Variants in AEBP1 observed in about 807,000 individuals in gnomAD.
The protein encoded by AEBP1 is adipocyte enhancer-binding protein 1.
Under a neutral mutation model 116.5 loss-of-function variants are expected in AEBP1, and 69 were observed. The ratio of observed to expected loss-of-function variants is 0.59; its 90% CI spans 0.49 to 0.72. The LOEUF is 0.72. Among genes scored for constraint, AEBP1 ranks in the 30% least tolerant of loss-of-function variants. AEBP1 has a pLI of 0.00. For synonymous variants in AEBP1, 627 were observed against 627.3 expected, an observed-to-expected ratio of 1.00 and a Z score of 0.01; for missense variants, 1,444 against 1,557.5, an observed-to-expected ratio of 0.93 and a Z score of 1.23.
chr7:44,107,935 G>C lies in AEBP1; in HGVS notation c.862+4G>C. 6.3e-7 allele frequency: 1 copy of C among 1,578,976 alleles called. No homozygotes were observed. Among genetic ancestry groups the C allele is most frequent in the Non-Finnish European group, 8.6e-7 (1 of 1,165,040 alleles). On this transcript the variant is annotated splice_donor_region_variant and intron_variant, in intron 5 of 20. Transcript: ENST00000223357. The surrounding 1 kb of genome is among the most constrained non-coding windows in gnomAD (Gnocchi z 4.3). ...CCAGCCCCGGAGGAGAGGATTGGTAGGATGGGGGGCAGGAGAGGAGGTGCC... is the reference window on the plus strand; with the variant it reads ...CCAGCCCCGGAGGAGAGGATTGGTACGATGGGGGGCAGGAGAGGAGGTGCC...
Position 44,108,865 on chromosome 7 carries a change from C to A in AEBP1, c.941-34C>A. On this transcript the variant is annotated intron_variant, in intron 6 of 20. Transcript: ENST00000223357. The surrounding 1 kb of genome is among the most constrained non-coding windows in gnomAD (Gnocchi z 5.0). ...AGGAGCTGAGGCCCCGCAGCAGGGT[C>A]AGGGCAGCCTCAGCTGGCTCTCCCT... The A allele has an allele frequency of 6.5e-7, 1 of 1,549,908 alleles. No homozygotes were observed. Among genetic ancestry groups the A allele is most frequent in the Non-Finnish European group, 8.7e-7 (1 of 1,145,456 alleles).
intron 1 of AEBP1, among the ~76,000 whole-genome samples, chr7:44,105,601 C>CCCT (rs1425988311): frequency 2.0e-5 from 3 of 152,002 alleles, no homozygotes; most frequent in Admixed American, 6.5e-5. Context: ...TGTCAGCAGC[C>CCCT]CCTCCCCTGC....
rs2096232077 is a variant in AEBP1, at chr7:44,113,300, A to G, written c.2758A>G (p.Ile920Val). The G allele has an allele frequency of 1.2e-6, 2 of 1,613,486 alleles. No individual in the cohort carries two copies. The highest frequency in any genetic ancestry group is 8.5e-7 in the Non-Finnish European group (1 of 1,179,890). ...GVVTDEQGIPIANATISVSGI... is the reference protein window; with the variant it reads ...GVVTDEQGIPVANATISVSGI... ...GGTGACGGACGAGCAAGGCATCCCC[A>G]TTGCCAACGCCACCATCTCTGTGAG... The change falls in exon 20 of 21, where the codon ATT (isoleucine) becomes GTT (valine). Residue 920 changes from isoleucine to valine, a missense_variant. By Grantham distance (29) the Ile-to-Val change is conservative. Coordinates refer to ENST00000223357, the MANE Select transcript of AEBP1 (RefSeq NM_001129.5). The surrounding 1 kb of genome is among the most constrained non-coding windows in gnomAD (Gnocchi z 5.3).
chr7:44,113,535 G>A lies in AEBP1; in HGVS notation c.2810-59G>A, dbSNP rs1583556696. 2 of 1,485,440 alleles carry A rather than the reference G, an allele frequency of 1.3e-6. No individual in the cohort carries two copies. Among genetic ancestry groups the A allele is most frequent in the Non-Finnish European group, 1.8e-6 (2 of 1,116,018 alleles). 92.0% of individuals were successfully genotyped at this position (1,485,440 alleles called of 1,614,324 possible). ...GGCGGGGCTGGGGGCAGGACTGAGT[G>A]GGAGGGTGGGGGCCTGGGAGGGGCG... On this transcript the variant is annotated intron_variant, in intron 20 of 20. Transcript: ENST00000223357. The surrounding 1 kb of genome is among the most constrained non-coding windows in gnomAD (Gnocchi z 5.3).
chr7:44,107,990 C>T lies in AEBP1; in HGVS notation c.863-17C>T. On this transcript the variant is annotated splice_polypyrimidine_tract_variant and intron_variant, in intron 5 of 20. Coordinates refer to ENST00000223357, the MANE Select transcript of AEBP1 (RefSeq NM_001129.5). This position sits in a 1 kb window ranked among gnomAD's most constrained non-coding sequence, Gnocchi z 4.3. ...CCACGGCGCTCTGGCCCCCTCCTAA[C>T]CTCCCCGCCTCCCCAGAGCCTCCTG... 1.9e-6 allele frequency: 3 copies of T among 1,570,908 alleles called. No homozygotes were observed. Among genetic ancestry groups the T allele is most frequent in the South Asian group, 1.2e-5 (1 of 85,968 alleles).
Position 44,112,417 on chromosome 7 carries a change from C to T in AEBP1, c.2217+96C>T, listed in dbSNP as rs2096230553. On this transcript the variant is annotated intron_variant, in intron 17 of 20. Transcript: ENST00000223357. The surrounding 1 kb of genome is among the most constrained non-coding windows in gnomAD (Gnocchi z 6.6). ...GGGGGTGGGGCTGACGGTGCCTGAA[C>T]TCCAGACGCTGAGGCTCTGGGGGTT... The T allele has an allele frequency of 7.0e-7, 1 of 1,431,958 alleles. No individual in the cohort carries two copies. The highest frequency in any genetic ancestry group is 9.4e-7 in the Non-Finnish European group (1 of 1,067,896). The allele number at this position is 1,431,958 out of a possible 1,614,324, so 88.7% of individuals were successfully genotyped here. A position where few individuals can be genotyped will look rare whatever the true frequency, so the allele number is the denominator to read the frequency against.
Position 44,111,236 on chromosome 7 carries a change from C to G in AEBP1, c.1713C>G (p.Arg571=). ...GGCACCACAGCTACAAGGACATGCG[C>G]CAGGTTGGGAGCATATATCCTGGGG... The part of the protein sequence containing the change: ...DFRHHSYKDM[R]QLMKVVNEEC... Residue 571 remains arginine (R), a synonymous_variant, in exon 14 of 21, where the codon CGC becomes CGG. Coordinates refer to ENST00000223357, the MANE Select transcript of AEBP1 (RefSeq NM_001129.5). This position sits in a 1 kb window ranked among gnomAD's most constrained non-coding sequence, Gnocchi z 4.7. The G allele has an allele frequency of 4.6e-6, 7 of 1,513,882 alleles. No individual in the cohort carries two copies. The highest frequency in any genetic ancestry group is 1.3e-5 in the South Asian group (1 of 74,448). The allele number at this position is 1,513,882 out of a possible 1,614,324, so 93.8% of individuals were successfully genotyped here.
In AEBP1 at chr7:44,112,814, C is replaced by A; in HGVS notation, c.2474C>A (p.Thr825Asn). 6.2e-7 allele frequency: 1 copy of A among 1,612,428 alleles called. No individual in the cohort carries two copies. Among genetic ancestry groups the A allele is most frequent in the Non-Finnish European group, 8.5e-7 (1 of 1,179,962 alleles). ...LAISFASAHL[T>N]LTEPYRGGCQ... ...ATCTCCTTCGCCTCCGCACACCTCA[C>A]CTTGACCGAGCCCTACCGCGGAGGC... The change falls in exon 18 of 21, where the codon ACC becomes AAC. Residue 825 changes from threonine to asparagine, a missense_variant. Coordinates refer to ENST00000223357, the MANE Select transcript of AEBP1 (RefSeq NM_001129.5). This position sits in a 1 kb window ranked among gnomAD's most constrained non-coding sequence, Gnocchi z 6.6.
intron 1 of AEBP1, among the ~76,000 whole-genome samples, chr7:44,105,845 C>G (rs1483005509): frequency 6.6e-6 from 1 of 152,140 alleles, no homozygotes; most frequent in Non-Finnish European, 1.5e-5. Flanking sequence ...TGCTTAGGGT[C>G]CTGGGAGGAT....
In AEBP1 at chr7:44,111,038, G is replaced by T; in HGVS notation, c.1611G>T (p.Val537=). 6.2e-7 allele frequency: 1 copy of T among 1,612,136 alleles called. No homozygotes were observed. ...WNGSLCMRLE[V]LGCSVAPVYS... ...GCAGCCTGTGCATGCGCCTGGAGGTGCTGGGGTGCTCTGTGGCCCGTGAGT... is the reference window on the plus strand; with the variant it reads ...GCAGCCTGTGCATGCGCCTGGAGGTTCTGGGGTGCTCTGTGGCCCGTGAGT... The change falls in exon 13 of 21, where the codon GTG becomes GTT. Residue 537 remains valine (V), a synonymous_variant. Transcript: ENST00000223357. This position sits in a 1 kb window ranked among gnomAD's most constrained non-coding sequence, Gnocchi z 4.7.
Position 44,104,771 on chromosome 7 carries a change from G to A in AEBP1, c.106G>A (p.Glu36Lys), listed in dbSNP as rs1358682655. 2 of 1,611,554 alleles carry A rather than the reference G, an allele frequency of 1.2e-6. No individual in the cohort carries two copies. The highest frequency in any genetic ancestry group is 2.7e-5 in the African/African-American group (2 of 74,888). ...QTVLTDDEIE[E>K]FLEGFLSELE... The stretch of plus-strand genomic sequence containing the variant: ...GGTGCTGACCGACGACGAGATCGAG[G>A]AGTTCCTCGAGGGCTTCCTGTCAGA... Residue 36 changes from glutamate (E) to lysine (K), a missense_variant, in exon 1 of 21, where the codon GAG (glutamate) becomes AAG (lysine). By Grantham distance (56) the Glu-to-Lys change is moderately conservative (BLOSUM62 1). Transcript: ENST00000223357.
chr7:44,111,071 G>C lies in AEBP1; in HGVS notation c.1630+14G>C, dbSNP rs923660624. ...GCTCTGTGGCCCGTGAGTGTGGAGG[G>C]CTGGCAGGGGCTCTGAGTGGAGGTG... On this transcript the variant is annotated intron_variant, in intron 13 of 20. Transcript: ENST00000223357. This position sits in a 1 kb window ranked among gnomAD's most constrained non-coding sequence, Gnocchi z 4.7. The C allele has an allele frequency of 1.1e-5, 17 of 1,602,846 alleles. No homozygotes were observed. The highest frequency in any genetic ancestry group is 3.4e-6 in the Non-Finnish European group (4 of 1,172,842).
At chr7:44,110,485 C>T in intron 11 of AEBP1, 139 bp downstream of exon 11, 1 of 1,308,950 alleles carries the variant, frequency 7.6e-7, no homozygotes, top group Non-Finnish European at 1.0e-6. Context: ...GGGACTCACC[C>T]TGCCCATCCC....
In AEBP1 at chr7:44,106,659, A is replaced by C. The variant is rs778322207; in HGVS notation, c.367A>C (p.Lys123Gln). ...CAGGCCGCCCAAGAAGGGGAAGGAGAAGCCACCCAAGGCCACCAAGAAGCC... is the reference window on the plus strand; with the variant it reads ...CAGGCCGCCCAAGAAGGGGAAGGAGCAGCCACCCAAGGCCACCAAGAAGCC... Reference protein sequence around the residue: ...SPRPPKKGKEKPPKATKKPKE... With the variant: ...SPRPPKKGKEQPPKATKKPKE... Residue 123 changes from lysine (K) to glutamine (Q), a missense_variant, in exon 2 of 21, where the codon AAG (lysine) becomes CAG (glutamine). Transcript: ENST00000223357. 3.7e-6 allele frequency: 6 copies of C among 1,612,818 alleles called. No homozygotes were observed. The highest frequency in any genetic ancestry group is 5.1e-6 in the Non-Finnish European group (6 of 1,179,664).
rs556415594 is a variant in AEBP1 at position 44,108,584 on chromosome 7, C to A, written c.941-315C>A. Among the ~76,000 whole-genome samples, 2 of 152,240 alleles carry A rather than the reference C, an allele frequency of 1.3e-5. No homozygotes were observed. The highest frequency in any genetic ancestry group is 2.4e-5 in the African/African-American group (1 of 41,524). On this transcript the variant is annotated intron_variant, in intron 6 of 20. Transcript: ENST00000223357. This position sits in a 1 kb window ranked among gnomAD's most constrained non-coding sequence, Gnocchi z 5.0. ...GTGCCTCCAATGTCTCCCCATCTCA[C>A]CCCCCAGCCCGCAACCCCAGGCACA...
In AEBP1 at chr7:44,104,542, A is replaced by C; in HGVS notation, c.-124A>C. 1.3e-5 allele frequency: 7 copies of C among 528,338 alleles called. No homozygotes were observed. Among genetic ancestry groups the C allele is most frequent in the South Asian group, 3.2e-5 (1 of 30,788 alleles). 32.7% of individuals were successfully genotyped at this position (528,338 alleles called of 1,614,324 possible). On this transcript the variant is annotated 5_prime_UTR_variant, in exon 1 of 21. Coordinates refer to ENST00000223357, the MANE Select transcript of AEBP1 (RefSeq NM_001129.5). ...TTTCCCGGATTCCCTCGCTCACCCC[A>C]TCCTCTCTCCCGCCCCTTCCTGGAT...
rs758474655 is a variant in AEBP1, at chr7:44,109,321, G to A, written c.1130G>A (p.Trp377Ter). ...PRKGEELEEE[W>*]TPTEKVKCPP... is the part of the protein sequence containing the mutation. ...AAGGGCGAGGAGTTGGAGGAGGAGT[G>A]GACGCCTACGGAGAAAGTCAGTAAG... Residue 377 changes from tryptophan (W) to a stop codon, truncating the protein, a stop_gained, in exon 9 of 21, where the codon TGG becomes TAG. Coordinates refer to ENST00000223357, the MANE Select transcript of AEBP1 (RefSeq NM_001129.5). LOFTEE classifies it high-confidence loss of function. 1 of 1,603,612 alleles carries A rather than the reference G, an allele frequency of 6.2e-7. No individual in the cohort carries two copies. Among genetic ancestry groups the A allele is most frequent in the Non-Finnish European group, 8.5e-7 (1 of 1,174,894 alleles).
At position 44,107,555 on chromosome 7, in the gene AEBP1, C is replaced by T; in HGVS notation, c.667+45C>T. The T allele has an allele frequency of 4.3e-6, 7 of 1,613,162 alleles. No individual in the cohort carries two copies. Among genetic ancestry groups the T allele is most frequent in the Non-Finnish European group, 5.9e-6 (7 of 1,179,730 alleles). On this transcript the variant is annotated intron_variant, in intron 3 of 20. Transcript: ENST00000223357. The surrounding 1 kb of genome is among the most constrained non-coding windows in gnomAD (Gnocchi z 4.3). ...CTGGCCTTGGGGCCAGCTGCCCTGG[C>T]TGGTTGGACTGAGGGCTTCCCCAGA...
chr7:44,113,731 G>C lies in AEBP1; in HGVS notation c.2947G>C (p.Ala983Pro), dbSNP rs1309432131. 6.2e-7 allele frequency: 1 copy of C among 1,614,056 alleles called. No homozygotes were observed. The change falls in exon 21 of 21, where the codon GCT becomes CCT. Residue 983 changes from alanine (A) to proline (P), a missense_variant. Transcript: ENST00000223357. The surrounding 1 kb of genome is among the most constrained non-coding windows in gnomAD (Gnocchi z 5.3). Reference protein sequence around the residue: ...IGATQCNFILARSNWKRIREI... With the variant: ...IGATQCNFILPRSNWKRIREI... ...GGCCACTCAGTGCAACTTCATCCTG[G>C]CTCGCTCCAACTGGAAGCGCATCCG...
Sources: gnomAD v4.1 joint callset for allele counts (sites outside exome capture counted in the v4.1 genomes callset) on GRCh38, gnomAD v4.1.1 for gene constraint, Gnocchi (gnomAD v3.1) non-coding constraint, MANE v1.5 for transcripts, NCBI Gene and HGNC (gene_info 2026-07-23, HGNC 2026-07-21) for gene names.